Variants in BNIPL observed in about 807,000 individuals in gnomAD.
BNIPL encodes the protein bcl-2/adenovirus E1B 19 kDa-interacting protein 2-like protein.
A neutral mutation model predicts 47.0 loss-of-function variants in BNIPL; 33 were observed. The observed-to-expected ratio is 0.70, with a 90% CI of 0.53 to 0.94. The LOEUF (loss-of-function observed/expected upper bound fraction) is 0.94. Ranked by LOEUF, BNIPL falls within the 40% of genes least tolerant of loss-of-function variation. The pLI is 0.00. For synonymous variants in BNIPL, 145 were observed against 162.7 expected, an observed-to-expected ratio of 0.89 and a Z score of 0.83; for missense variants, 404 against 445.2, an observed-to-expected ratio of 0.91 and a Z score of 0.83.
intron 4 of BNIPL, among the ~76,000 whole-genome samples, chr1:151,040,613 T>C (rs973413836): frequency 2.0e-5 from 3 of 150,280 alleles, no homozygotes; most frequent in African/African-American, 4.9e-5. Context: ...CTGAGCAACA[T>C]GGAGAAAGCC....
chr1:151,046,631 T>TC lies in BNIPL; in HGVS notation c.1038-15dup. 1.3e-6 allele frequency: 2 copies of TC among 1,593,950 alleles called. No homozygotes were observed. Among genetic ancestry groups the TC allele is most frequent in the Non-Finnish European group, 1.7e-6 (2 of 1,166,560 alleles). On this transcript the variant is annotated intron_variant, in intron 9 of 9. Coordinates refer to ENST00000368931, the MANE Select transcript of BNIPL (RefSeq NM_138278.4). Reference sequence around the variant, plus strand: ...CCTACCCCCTGAACCACTTCTCTCCTCCCCCTCTCCCTCTCCTAGGCTGGA... The same window carrying TC: ...CCTACCCCCTGAACCACTTCTCTCCTCCCCCCTCTCCCTCTCCTAGGCTGGA...
At chr1:151,040,222 C>T (rs1675768937) in intron 4 of BNIPL, among the ~76,000 whole-genome samples, 1 of 152,184 alleles carries the variant, frequency 6.6e-6, no homozygotes, top group Non-Finnish European at 1.5e-5. Flanking sequence ...GCTCTGTTGC[C>T]CAGTCTGGAG....
At chr1:151,041,062 G>A (rs972030085) in intron 4 of BNIPL, among the ~76,000 whole-genome samples, 13 of 152,052 alleles carry the variant, frequency 8.5e-5, no homozygotes, top group African/African-American at 3.1e-4. Flanking sequence ...GCACAGACCT[G>A]TAGTCCCAGC....
chr1:151,047,621 A>C lies in BNIPL; in HGVS notation c.*934A>C. 1.6e-6 allele frequency: 1 copy of C among 609,116 alleles called. No homozygotes were observed. The highest frequency in any genetic ancestry group is 2.7e-6 in the Non-Finnish European group (1 of 371,350). 37.7% of individuals were successfully genotyped at this position (609,116 alleles called of 1,614,324 possible). A position where few individuals can be genotyped will look rare whatever the true frequency, so the allele number is the denominator to read the frequency against. On this transcript the variant is annotated 3_prime_UTR_variant, in exon 10 of 10. Coordinates refer to ENST00000368931, the MANE Select transcript of BNIPL (RefSeq NM_138278.4). The stretch of plus-strand genomic sequence containing the variant: ...CAAAGAAGTGAACGACTCTTTCACC[A>C]CCCCTTGCATCCCAAACCTTCGGTT...
chr1:151,038,318 G>T (rs1425744226), intron 2 of BNIPL, 186 bp from the exon 3 acceptor site: 6 of 604,730 alleles, frequency 9.9e-6, no homozygotes, highest in Admixed American at 8.8e-5. Flanking sequence ...AGGCTGCAGT[G>T]AGCTGTGATT....
chr1:151,037,567 G>A lies in BNIPL; in HGVS notation c.42G>A (p.Gly14=), dbSNP rs776023137. The part of the protein sequence containing the change: ...IQEAGKKTDV[G]VREIAEAPEL... ...CTTTTCTTCTTGGGGGCTGTCTTAGGGTCAGGGAGATTGCAGAAGCACCAG... is the reference window on the plus strand; with the variant it reads ...CTTTTCTTCTTGGGGGCTGTCTTAGAGTCAGGGAGATTGCAGAAGCACCAG... Residue 14 remains glycine (G), a splice_region_variant and synonymous_variant, in exon 2 of 10, where the codon GGG becomes GGA. Transcript: ENST00000368931. 4.3e-5 allele frequency: 69 copies of A among 1,602,738 alleles called. No individual in the cohort carries two copies. Among genetic ancestry groups the A allele is most frequent in the Admixed American group, 1.2e-4 (7 of 58,208 alleles).
chr1:151,036,685 C>T lies in BNIPL; in HGVS notation c.-41C>T. 5 of 1,569,486 alleles carry T rather than the reference C, an allele frequency of 3.2e-6. No homozygotes were observed. The highest frequency in any genetic ancestry group is 2.2e-5 in the East Asian group (1 of 44,632). ...GCTGGGACAACCAGCTCCCCAACAA[C>T]TCCTAGGTGTTTAAAGAAGGAGGCA... On this transcript the variant is annotated 5_prime_UTR_variant, in exon 1 of 10. Coordinates refer to ENST00000368931, the MANE Select transcript of BNIPL (RefSeq NM_138278.4).
intron 7 of BNIPL, among the ~76,000 whole-genome samples, chr1:151,044,517 G>A (rs974288017): frequency 1.3e-5 from 2 of 151,276 alleles, no homozygotes; most frequent in Admixed American, 6.6e-5. Context: ...ATCTTGGCTC[G>A]CTGCAGCCTC....
At chr1:151,039,693 C>T (rs587664536) in intron 4 of BNIPL, among the ~76,000 whole-genome samples, 1 of 152,272 alleles carries the variant, frequency 6.6e-6, no homozygotes, top group South Asian at 2.1e-4. Context: ...GAGGCCCTTG[C>T]TGCCATGATA....
Position 151,038,516 on chromosome 1 carries a change from G to A in BNIPL, c.150G>A (p.Glu50=), listed in dbSNP as rs1293051375. 6.2e-7 allele frequency: 1 copy of A among 1,613,252 alleles called. No homozygotes were observed. The highest frequency in any genetic ancestry group is 8.5e-7 in the Non-Finnish European group (1 of 1,179,394). ...QDEEFPRLLP[E]EAGTSEDPED... ...TCTTCCCCTCTAGATTGCTTCCTGA[G>A]GAGGCTGGCACTTCTGAAGATCCTG... Residue 50 remains glutamate, a synonymous_variant, in exon 3 of 10, where the codon GAG becomes GAA. Coordinates refer to ENST00000368931, the MANE Select transcript of BNIPL (RefSeq NM_138278.4).
At chr1:151,038,310 G>C (rs1675699581) in intron 2 of BNIPL, 194 bp from the exon 3 acceptor site, 2 of 595,276 alleles carry the variant, frequency 3.4e-6, no homozygotes, top group African/African-American at 1.9e-5. Context: ...GGAGGTAGAG[G>C]CTGCAGTGAG....
intron 1 of BNIPL, among the ~76,000 whole-genome samples, chr1:151,037,004 A>G (rs1287501374): frequency 6.6e-6 from 1 of 152,158 alleles, no homozygotes; most frequent in Non-Finnish European, 1.5e-5. Flanking sequence ...AGTTTCTGTA[A>G]TATGTTGTAC....
In BNIPL at chr1:151,036,717, C is replaced by T. The variant is rs1018355273; in HGVS notation, c.-9C>T. 1.9e-6 allele frequency: 3 copies of T among 1,609,936 alleles called. No individual in the cohort carries two copies. Among genetic ancestry groups the T allele is most frequent in the Non-Finnish European group, 2.6e-6 (3 of 1,176,312 alleles). ...GTGTTTAAAGAAGGAGGCAGGAAGA[C>T]TTGTGAAGATGGGAACTATACAAGA... On this transcript the variant is annotated 5_prime_UTR_variant, in exon 1 of 10. Transcript: ENST00000368931.
chr1:151,043,002 A>C lies in BNIPL; in HGVS notation c.480A>C (p.Glu160Asp), dbSNP rs1675882717. 1 of 1,608,048 alleles carries C rather than the reference A, an allele frequency of 6.2e-7. No homozygotes were observed. The highest frequency in any genetic ancestry group is 8.5e-7 in the Non-Finnish European group (1 of 1,178,542). ...AEGLGTSETA[E>D]RLGRGCMWDV... ...GTCTGGGCACCAGTGAGACAGCTGA[A>C]AGGCTGGGCCGAGGTTGTATGTGGG... The change falls in exon 5 of 10, where the codon GAA (glutamate) becomes GAC (aspartate). Residue 160 changes from glutamate to aspartate, a missense_variant. Transcript: ENST00000368931.
Position 151,038,423 on chromosome 1 carries a change from GGA to G in BNIPL, c.138-74_138-73del. 14 of 1,015,132 alleles carry G rather than the reference GGA, an allele frequency of 1.4e-5. 1 individual carries two copies. In the South Asian group the frequency reaches 1.8e-4, roughly 13 times the overall value. 62.9% of individuals were successfully genotyped at this position (1,015,132 alleles called of 1,614,324 possible). On this transcript the variant is annotated intron_variant, in intron 2 of 9. Transcript: ENST00000368931. Reference sequence around the variant, plus strand: ...AGCATAGGTGATAAAATCATGGTGGGGAGAGAGAACCTATATATTGAGTCCTG... The same window carrying G: ...AGCATAGGTGATAAAATCATGGTGGGGAGAGAACCTATATATTGAGTCCTG...
intron 4 of BNIPL, among the ~76,000 whole-genome samples, chr1:151,041,448 C>A (rs1675821061): frequency 6.6e-6 from 1 of 152,032 alleles, no homozygotes; most frequent in African/African-American, 2.4e-5. Context: ...GCAGTTTTCT[C>A]ACTAGCCAGG....
Position 151,036,767 on chromosome 1 carries a change from G to A in BNIPL, c.41+1G>A, listed in dbSNP as rs1675612176. ...AGGCAGGAAAAAAGACAGATGTTGG[G>A]TAAGTAAGATCTTGGCTCACTTGAT... On this transcript the variant is annotated splice_donor_variant, in intron 1 of 9. Transcript: ENST00000368931. LOFTEE classifies it high-confidence loss of function. 1.2e-6 allele frequency: 2 copies of A among 1,607,854 alleles called. No individual in the cohort carries two copies. Among genetic ancestry groups the A allele is most frequent in the Non-Finnish European group, 1.7e-6 (2 of 1,174,448 alleles).
In BNIPL at chr1:151,047,588, C is replaced by T; in HGVS notation, c.*901C>T. 1 of 531,498 alleles carries T rather than the reference C, an allele frequency of 1.9e-6. No individual in the cohort carries two copies. The highest frequency in any genetic ancestry group is 3.8e-5 in the Admixed American group (1 of 26,526). 32.9% of individuals were successfully genotyped at this position (531,498 alleles called of 1,614,324 possible). ...AATAAACTGCGATGAGACATTTAAG[C>T]TCTGCTCCAAAGAAGTGAACGACTC... On this transcript the variant is annotated 3_prime_UTR_variant, in exon 10 of 10. Coordinates refer to ENST00000368931, the MANE Select transcript of BNIPL (RefSeq NM_138278.4).
intron 4 of BNIPL, among the ~76,000 whole-genome samples, chr1:151,041,737 G>A (rs967318268): frequency 6.6e-6 from 1 of 152,218 alleles, no homozygotes; most frequent in African/African-American, 2.4e-5. Context: ...ACTTTGGGAT[G>A]CCAAGGCAGG....
Sources: gnomAD v4.1 joint callset for allele counts (sites outside exome capture counted in the v4.1 genomes callset) on GRCh38, gnomAD v4.1.1 for gene constraint, MANE v1.5 for transcripts, NCBI Gene and HGNC (gene_info 2026-07-23, HGNC 2026-07-21) for gene names.